Variants in NRXN1 observed in about 807,000 individuals in gnomAD.
NRXN1 encodes neurexin 1, also known as neurexin-1.
NRXN1 carries 39 observed loss-of-function variants against 150.9 expected under a neutral mutation model. The ratio of observed to expected loss-of-function variants is 0.26; its 90% CI spans 0.20 to 0.34. NRXN1 has a LOEUF of 0.34. NRXN1 is among the 10% of genes least tolerant of loss of function. The probability of loss-of-function intolerance (pLI) is 1.00; values close to 1 mark genes in which losing one functional copy is unlikely to be tolerated. For missense variants in NRXN1, 1,815 were observed against 1,949.9 expected (o/e 0.93, Z 1.30); for synonymous variants, 924 against 757.0 (o/e 1.22, Z -3.62).
chr2:50,696,712 G>C (rs698844), intron 5 of NRXN1, among the ~76,000 whole-genome samples: 126,027 of 152,156 alleles, frequency 0.83, 52,838 homozygotes, highest in African/African-American at 0.95. Flanking sequence ...GATCAGTGAG[G>C]CTCTCTTAAG....
At position 49,922,110 on chromosome 2, in the gene NRXN1, T is replaced by C; in HGVS notation, c.4358A>G (p.Tyr1453Cys). The C allele has an allele frequency of 6.2e-7, 1 of 1,614,140 alleles. No homozygotes were observed. Among genetic ancestry groups the C allele is most frequent in the Non-Finnish European group, 8.5e-7 (1 of 1,180,026 alleles). The change falls in exon 23 of 23, where the codon TAC becomes TGC. Residue 1453 changes from tyrosine to cysteine, a missense_variant. This residue lies in a region of NRXN1 where 265 missense variants were observed against 307.1 expected (regional missense o/e 0.86). Transcript: ENST00000401669. Reference protein sequence around the residue: ...LCILILLYAMYKYRNRDEGSY... With the variant: ...LCILILLYAMCKYRNRDEGSY... Reference sequence around the variant, plus strand: ...GCCTTCATCCCGGTTTCTGTACTTGTACATGGCATAGAGGAGGATAAGGAT... The same window carrying C: ...GCCTTCATCCCGGTTTCTGTACTTGCACATGGCATAGAGGAGGATAAGGAT...
In NRXN1 at chr2:50,751,818, G is replaced by A. The variant is rs548809308; in HGVS notation, c.833-128203C>T. Among the ~76,000 whole-genome samples the A allele has an allele frequency of 2.0e-5, 3 of 152,054 alleles. No homozygotes were observed. In the East Asian group the frequency reaches 5.8e-4, roughly 30 times the overall value. ...TAAACTTGGAATATGACTCACTTAA[G>A]CAAAACTTTCCACAGGTGTCACTTC... On this transcript the variant is annotated intron_variant, in intron 5 of 22. Coordinates refer to ENST00000401669, the MANE Select transcript of NRXN1 (RefSeq NM_001330078.2).
At chr2:50,583,694 T>C (rs183963697) in intron 8 of NRXN1, among the ~76,000 whole-genome samples, 8 of 152,338 alleles carry the variant, frequency 5.3e-5, no homozygotes, top group Middle Eastern at 3.4e-3. Context: ...AAGGATATTA[T>C]ATTCAAGGTT....
At chr2:50,305,477 A>T (rs1441536344) in intron 17 of NRXN1, among the ~76,000 whole-genome samples, 3 of 152,210 alleles carry the variant, frequency 2.0e-5, no homozygotes, top group Non-Finnish European at 4.4e-5. Context: ...TTCAGTAAAC[A>T]CATACCAGAA....
chr2:51,005,673 T>C (rs957078051), intron 2 of NRXN1, among the ~76,000 whole-genome samples: 2 of 151,816 alleles, frequency 1.3e-5, no homozygotes, highest in African/African-American at 2.4e-5. Context: ...CTTATCACTA[T>C]AGAGAATCAC....
chr2:50,813,189 T>C (rs2044876614), intron 5 of NRXN1, among the ~76,000 whole-genome samples: 1 of 148,888 alleles, frequency 6.7e-6, no homozygotes, highest in Non-Finnish European at 1.5e-5. Flanking sequence ...CAACACCTTG[T>C]CTCAAAAAAA....
intron 5 of NRXN1, chr2:50,841,136 C>T (rs541557618): frequency 6.6e-6 from 1 of 152,524 alleles, no homozygotes; most frequent in Non-Finnish European, 1.5e-5. Flanking sequence ...TATGAATGAG[C>T]TACATTACCT....
chr2:50,725,611 A>C (rs1358406867), intron 5 of NRXN1, among the ~76,000 whole-genome samples: 1 of 152,198 alleles, frequency 6.6e-6, no homozygotes, highest in Non-Finnish European at 1.5e-5. Flanking sequence ...TTTTTAAAAA[A>C]CATAATCAGT....
chr2:50,332,577 T>G (rs2076903812), intron 17 of NRXN1, among the ~76,000 whole-genome samples: 1 of 152,252 alleles, frequency 6.6e-6, no homozygotes, highest in Non-Finnish European at 1.5e-5. Flanking sequence ...CATACTATAA[T>G]AAGCAAAAGG....
At chr2:50,993,701 T>C (rs775703513) in intron 2 of NRXN1, among the ~76,000 whole-genome samples, 10 of 151,966 alleles carry the variant, frequency 6.6e-5, no homozygotes, top group Non-Finnish European at 1.5e-4. Context: ...TTCCGTATAA[T>C]AAATATAATC....
chr2:50,120,765 A>T (rs1703743766), intron 18 of NRXN1, among the ~76,000 whole-genome samples: 1 of 152,180 alleles, frequency 6.6e-6, no homozygotes, highest in African/African-American at 2.4e-5. Flanking sequence ...TAATCTTTTC[A>T]CATATTATTA....
chr2:50,204,344 G>A (rs1000417270), intron 18 of NRXN1, among the ~76,000 whole-genome samples: 11 of 21,042 alleles, frequency 5.2e-4, no homozygotes, highest in African/African-American at 1.8e-3. Context: ...GAAATACCGT[G>A]TGTGTGTGTG....
chr2:50,504,788 C>T (rs1269315085), intron 13 of NRXN1, among the ~76,000 whole-genome samples: 1 of 152,196 alleles, frequency 6.6e-6, no homozygotes, highest in South Asian at 2.1e-4. Flanking sequence ...TCTAGACCAT[C>T]AAGTCATTGG....
chr2:50,758,377 G>A (rs1363995157), intron 5 of NRXN1, among the ~76,000 whole-genome samples: 1 of 151,770 alleles, frequency 6.6e-6, no homozygotes, highest in Non-Finnish European at 1.5e-5. Flanking sequence ...AAAAGATAAA[G>A]GTGTATCTAT....
chr2:50,147,485 C>T (rs759316862), intron 18 of NRXN1, among the ~76,000 whole-genome samples: 5 of 151,664 alleles, frequency 3.3e-5, no homozygotes, highest in Admixed American at 6.6e-5. Context: ...ACACTTGCAT[C>T]CCTAGAGTTA....
chr2:50,456,172 G>C (rs949758663), intron 17 of NRXN1, among the ~76,000 whole-genome samples: 1 of 152,094 alleles, frequency 6.6e-6, no homozygotes, highest in African/African-American at 2.4e-5. Flanking sequence ...CCTTGTTCAA[G>C]ACCCATTTTT....
rs553310607 is a variant in NRXN1 at position 50,283,082 on chromosome 2, C to T, written c.3365-46112G>A. Among the ~76,000 whole-genome samples, 4 of 152,258 alleles carry T rather than the reference C, an allele frequency of 2.6e-5. No homozygotes were observed. The South Asian group carries it at 8.3e-4, about 32-fold the overall frequency. ...AAGCTCTGTGAAGGAACACTGTATG[C>T]CTTCTTCATTGTTGATTGTCAAGCT... On this transcript the variant is annotated intron_variant, in intron 17 of 22. Coordinates refer to ENST00000401669, the MANE Select transcript of NRXN1 (RefSeq NM_001330078.2).
chr2:50,981,964 GAT>G (rs1187828049), intron 2 of NRXN1, among the ~76,000 whole-genome samples: 1 of 151,566 alleles, frequency 6.6e-6, no homozygotes, highest in Admixed American at 6.6e-5. Context: ...CAGAGAGAGA[GAT>G]AGAGAAAGAG....
At chr2:50,192,699 C>G (rs985410633) in intron 18 of NRXN1, among the ~76,000 whole-genome samples, 1 of 152,128 alleles carries the variant, frequency 6.6e-6, no homozygotes, top group Non-Finnish European at 1.5e-5. Flanking sequence ...CTCCTCCTCC[C>G]AGGTTCAAAT....
Sources: gnomAD v4.1 joint callset for allele counts (sites outside exome capture counted in the v4.1 genomes callset) on GRCh38, gnomAD v4.1.1 for gene constraint, gnomAD v4.1.1 regional missense constraint, MANE v1.5 for transcripts, NCBI Gene and HGNC (gene_info 2026-07-23, HGNC 2026-07-21) for gene names.